BABAM2: variants seen among roughly 807,000 people sequenced by gnomAD.
BABAM2 encodes BRISC and BRCA1 A complex member 2, also known as BRISC and BRCA1-A complex member 2.
BABAM2 carries 31 observed loss-of-function variants against 54.7 expected under a neutral mutation model. The ratio of observed to expected loss-of-function variants is 0.57; its 90% CI spans 0.43 to 0.77. The LOEUF (loss-of-function observed/expected upper bound fraction) is 0.77. BABAM2 is among the 30% of genes least tolerant of loss of function. The pLI, the probability that BABAM2 is intolerant of heterozygous loss-of-function variation, is 0.00. For synonymous variants in BABAM2, 167 were observed against 162.9 expected, an observed-to-expected ratio of 1.03 and a Z score of -0.19; for missense variants, 364 against 455.8, an observed-to-expected ratio of 0.80 and a Z score of 1.83.
rs1446568251 is a variant in BABAM2, at chr2:28,239,104, T to G, written c.780+1803T>G. On this transcript the variant is annotated intron_variant, in intron 8 of 11. Coordinates refer to ENST00000379624, the MANE Select transcript of BABAM2 (RefSeq NM_199191.3). The stretch of plus-strand genomic sequence containing the variant: ...TTTAAAATCAAGTATACAGAACTGT[T>G]TTCATCCCCTTTTTAAACAAAGCCA... 9.2e-5 allele frequency among the ~76,000 whole-genome samples: 14 copies of G among 152,350 alleles called. No individual in the cohort carries two copies. In the East Asian group the frequency reaches 2.7e-3, roughly 29 times the overall value.
intron 6 of BABAM2, among the ~76,000 whole-genome samples, chr2:28,108,514 A>C (rs1667723007): frequency 6.6e-6 from 1 of 152,230 alleles, no homozygotes. Flanking sequence ...TACTAACCCA[A>C]GCCAGTGATA....
chr2:27,900,798 C>T (rs1222889097), intron 2 of BABAM2, among the ~76,000 whole-genome samples: 2 of 152,136 alleles, frequency 1.3e-5, no homozygotes, highest in African/African-American at 4.8e-5. Context: ...AATCCCAGCA[C>T]TTTGGGAGGC....
intron 7 of BABAM2, among the ~76,000 whole-genome samples, chr2:28,179,628 A>G (rs1284960861): frequency 6.6e-6 from 1 of 152,196 alleles, no homozygotes. Flanking sequence ...TCCTAGCCAG[A>G]GCAGTCAGTC....
chr2:28,266,894 G>T (rs973071576), intron 10 of BABAM2, among the ~76,000 whole-genome samples: 3 of 152,188 alleles, frequency 2.0e-5, no homozygotes, highest in East Asian at 1.9e-4. Flanking sequence ...AGTGGCTCAC[G>T]CCTGTAATCC....
intron 7 of BABAM2, among the ~76,000 whole-genome samples, chr2:28,200,384 ATATAATGTCATC>A (rs1347811749): frequency 1.3e-5 from 2 of 152,242 alleles, no homozygotes; most frequent in Non-Finnish European, 2.9e-5. Context: ...AGTGAATGAA[ATATAATGTCATC>A]TATAAATATT....
chr2:28,269,356 C>G (rs1685231058), intron 10 of BABAM2, among the ~76,000 whole-genome samples: 1 of 152,076 alleles, frequency 6.6e-6, no homozygotes, highest in African/African-American at 2.4e-5. Flanking sequence ...CTCTCTGCAC[C>G]CGGAATGAGT....
rs575245888 is a variant in BABAM2, at chr2:28,300,139, A to G, written c.1088+1648A>G. On this transcript the variant is annotated intron_variant, in intron 11 of 11. Transcript: ENST00000379624. Reference sequence around the variant, plus strand: ...TTTTGAGTAGAGATGGGGTTTTGCTATGTTGGCCAGGCTGGTCTCGGACTC... The same window carrying G: ...TTTTGAGTAGAGATGGGGTTTTGCTGTGTTGGCCAGGCTGGTCTCGGACTC... Among the ~76,000 whole-genome samples the G allele has an allele frequency of 3.3e-5, 5 of 152,098 alleles. No homozygotes were observed. The South Asian group carries it at 8.3e-4, about 25-fold the overall frequency.
intron 9 of BABAM2, among the ~76,000 whole-genome samples, chr2:28,242,359 C>T (rs916574930): frequency 6.6e-6 from 1 of 152,208 alleles, no homozygotes; most frequent in Non-Finnish European, 1.5e-5. Flanking sequence ...GTGCCTTTGC[C>T]CTTTCCTTCT....
At chr2:28,237,172 G>A (rs751816429) in intron 7 of BABAM2, 30 bp from the exon 8 acceptor site, 2 of 1,580,048 alleles carry the variant, frequency 1.3e-6, no homozygotes, top group East Asian at 4.5e-5. Context: ...AGCCCTAAGA[G>A]AAGTGTCCAT....
intron 6 of BABAM2, among the ~76,000 whole-genome samples, chr2:28,127,895 C>T (rs969840732): frequency 1.3e-5 from 2 of 151,866 alleles, no homozygotes; most frequent in African/African-American, 4.8e-5. Flanking sequence ...CAAGCTCCGC[C>T]TCCCGGGTTC....
intron 6 of BABAM2, among the ~76,000 whole-genome samples, chr2:28,070,841 A>G (rs1392137520): frequency 2.6e-5 from 4 of 152,164 alleles, no homozygotes; most frequent in African/African-American, 7.2e-5. Context: ...CTCTCAAGTA[A>G]AGTTACACTC....
At chr2:28,255,513 G>A (rs1169989158) in intron 10 of BABAM2, among the ~76,000 whole-genome samples, 1 of 152,116 alleles carries the variant, frequency 6.6e-6, no homozygotes, top group African/African-American at 2.4e-5. Flanking sequence ...GACCTCAAGT[G>A]ATCCACCCAC....
Position 28,198,201 on chromosome 2 carries a change from C to T in BABAM2, c.681-39001C>T, listed in dbSNP as rs138437551. Among the ~76,000 whole-genome samples, 464 of 151,730 alleles carry T rather than the reference C, an allele frequency of 3.1e-3. 6 individuals are homozygous for T. The highest frequency in any genetic ancestry group is 0.01 in the African/African-American group (432 of 41,360). ...TTGAGACTGAGTCTCGCTCTGTCACCCAGGCTGGATGGAGTGCAGTGGTAC... is the reference window on the plus strand; with the variant it reads ...TTGAGACTGAGTCTCGCTCTGTCACTCAGGCTGGATGGAGTGCAGTGGTAC... On this transcript the variant is annotated intron_variant, in intron 7 of 11. Transcript: ENST00000379624.
chr2:28,177,298 C>T (rs1675113864), intron 7 of BABAM2, among the ~76,000 whole-genome samples: 1 of 151,938 alleles, frequency 6.6e-6, no homozygotes, highest in African/African-American at 2.4e-5. Context: ...GTATACTATG[C>T]TCAGCAAAGT....
intron 6 of BABAM2, among the ~76,000 whole-genome samples, chr2:28,071,766 C>T (rs1558308948): frequency 6.6e-6 from 1 of 152,166 alleles, no homozygotes; most frequent in Non-Finnish European, 1.5e-5. Flanking sequence ...GTCATCCTTC[C>T]AAGTTGACTA....
At chr2:27,994,836 C>T (rs370867354) in intron 4 of BABAM2, among the ~76,000 whole-genome samples, 4 of 152,050 alleles carry the variant, frequency 2.6e-5, no homozygotes, top group African/African-American at 7.2e-5. Flanking sequence ...CTTGCTGGGT[C>T]ATATAGTATA....
intron 10 of BABAM2, among the ~76,000 whole-genome samples, chr2:28,272,476 C>T (rs905358542): frequency 2.6e-5 from 4 of 152,142 alleles, no homozygotes; most frequent in East Asian, 3.9e-4. Context: ...AAGAGGAACG[C>T]GAACTGGCTC....
intron 6 of BABAM2, among the ~76,000 whole-genome samples, chr2:28,085,269 A>G (rs1322347844): frequency 6.6e-6 from 1 of 152,232 alleles, no homozygotes; most frequent in African/African-American, 2.4e-5. Flanking sequence ...AAACAAAGAG[A>G]TAAATATTTT....
intron 7 of BABAM2, among the ~76,000 whole-genome samples, chr2:28,207,016 C>G (rs866989527): frequency 7.2e-5 from 11 of 152,180 alleles, no homozygotes; most frequent in Non-Finnish European, 1.6e-4. Flanking sequence ...TCATCACAGT[C>G]TCCCTGTGAG....
Sources: gnomAD v4.1 joint callset for allele counts (sites outside exome capture counted in the v4.1 genomes callset) on GRCh38, gnomAD v4.1.1 for gene constraint, MANE v1.5 for transcripts, NCBI Gene and HGNC (gene_info 2026-07-23, HGNC 2026-07-21) for gene names.